Variants in XKR4 observed in about 807,000 individuals in gnomAD.
XKR4 encodes the protein XK related 4, also known as XK-related protein 4.
Under a neutral mutation model 53.9 loss-of-function variants are expected in XKR4, and 12 were observed. That is an observed-to-expected ratio of 0.22 (90% CI 0.14 to 0.36). The LOEUF is 0.36. Among genes scored for constraint, XKR4 ranks in the 10% least tolerant of loss-of-function variants. The pLI is 1.00. For missense variants in XKR4, 799 were observed against 859.5 expected (o/e 0.93, Z 0.88); for synonymous variants, 354 against 362.4 (o/e 0.98, Z 0.26).
chr8:55,363,448 A>T (rs931383806), intron 2 of XKR4, among the ~76,000 whole-genome samples: 5 of 152,174 alleles, frequency 3.3e-5, no homozygotes, highest in Admixed American at 2.0e-4. Flanking sequence ...GGAAGTCAGA[A>T]GTAAAGTTGT....
intron 2 of XKR4, among the ~76,000 whole-genome samples, chr8:55,420,407 A>C (rs886905989): frequency 4.0e-4 from 61 of 151,472 alleles, no homozygotes; most frequent in Non-Finnish European, 6.9e-4. Context: ...CAATGATAGA[A>C]TGGATTAAGA....
At chr8:55,348,232 G>A (rs1312439178) in intron 1 of XKR4, among the ~76,000 whole-genome samples, 1 of 152,158 alleles carries the variant, frequency 6.6e-6, no homozygotes, top group African/African-American at 2.4e-5. Context: ...CAGTTATGAG[G>A]GGGGAAAAGA....
chr8:55,461,599 C>T (rs1415611565), intron 2 of XKR4, among the ~76,000 whole-genome samples: 2 of 152,200 alleles, frequency 1.3e-5, no homozygotes. Context: ...CAGCTCCTCA[C>T]CAGCAACGGA....
chr8:55,394,774 A>G (rs1343406407), intron 2 of XKR4, among the ~76,000 whole-genome samples: 7 of 152,130 alleles, frequency 4.6e-5, no homozygotes, highest in Non-Finnish European at 7.4e-5. Context: ...TTTTTTCTTC[A>G]ATTATCTGGC....
chr8:55,275,274 CTT>C (rs1448218400), intron 1 of XKR4, among the ~76,000 whole-genome samples: 1 of 151,988 alleles, frequency 6.6e-6, no homozygotes, highest in East Asian at 1.9e-4. Flanking sequence ...ATAAGTCTAT[CTT>C]ATATCCTATT....
chr8:55,465,337 C>G (rs1805746642), intron 2 of XKR4, among the ~76,000 whole-genome samples: 1 of 152,024 alleles, frequency 6.6e-6, no homozygotes, highest in African/African-American at 2.4e-5. Flanking sequence ...TGCCGCATAT[C>G]TACAACCATC....
chr8:55,222,779 T>C (rs922849910), intron 1 of XKR4, among the ~76,000 whole-genome samples: 7 of 152,202 alleles, frequency 4.6e-5, no homozygotes, highest in African/African-American at 1.7e-4. Context: ...TGAGGACATT[T>C]TGATTCTCTG....
At position 55,212,267 on chromosome 8, in the gene XKR4, G is replaced by A. The variant is rs116237763; in HGVS notation, c.806+108973G>A. Among the ~76,000 whole-genome samples, 586 of 152,236 alleles carry A rather than the reference G, an allele frequency of 3.8e-3. 2 individuals carry two copies. Among genetic ancestry groups the A allele is most frequent in the African/African-American group, 0.013 (525 of 41,536 alleles). On this transcript the variant is annotated intron_variant, in intron 1 of 2. Transcript: ENST00000327381. ...CCATACACTTAGTTAATTCTCTCCT[G>A]GATCAGGAAAAAGACATGGAAAATG...
intron 1 of XKR4, among the ~76,000 whole-genome samples, chr8:55,299,278 G>C (rs1317555815): frequency 3.3e-5 from 5 of 152,304 alleles, no homozygotes; most frequent in Admixed American, 3.3e-4. Context: ...ATTTCTGGCA[G>C]CCTGAGGAGC....
At chr8:55,458,126 C>T (rs907596882) in intron 2 of XKR4, among the ~76,000 whole-genome samples, 1 of 152,208 alleles carries the variant, frequency 6.6e-6, no homozygotes, top group Admixed American at 6.5e-5. Context: ...CATAGACAAG[C>T]CAATCCAAAA....
chr8:55,291,101 A>G (rs1423757331), intron 1 of XKR4, among the ~76,000 whole-genome samples: 22 of 152,158 alleles, frequency 1.4e-4, no homozygotes, highest in Admixed American at 1.4e-3. Context: ...TGATTGTTCC[A>G]AGCACTATTT....
intron 1 of XKR4, among the ~76,000 whole-genome samples, chr8:55,123,015 C>T (rs1816413596): frequency 6.6e-6 from 1 of 152,178 alleles, no homozygotes; most frequent in African/African-American, 2.4e-5. Flanking sequence ...TGTTGGCTTG[C>T]ACTTCTTTCC....
intron 1 of XKR4, among the ~76,000 whole-genome samples, chr8:55,289,851 G>GGAAGGAAAGAAA (rs1426200079): frequency 3.7e-4 from 50 of 135,698 alleles, no homozygotes; most frequent in African/African-American, 1.4e-3. Flanking sequence ...AAAGAAAGAA[G>GGAAGGAAAGAAA]GAAAGAAAGA....
chr8:55,205,202 C>T (rs543808139), intron 1 of XKR4, among the ~76,000 whole-genome samples: 24 of 152,264 alleles, frequency 1.6e-4, no homozygotes, highest in Admixed American at 1.0e-3. Flanking sequence ...ATTAGGCCAG[C>T]CTTTTCTAAG....
intron 2 of XKR4, among the ~76,000 whole-genome samples, chr8:55,457,205 C>T (rs905946449): frequency 4.8e-5 from 7 of 144,764 alleles, no homozygotes; most frequent in African/African-American, 1.3e-4. Flanking sequence ...TGCAGTGGCA[C>T]GATCTCTGCT....
intron 1 of XKR4, among the ~76,000 whole-genome samples, chr8:55,311,691 G>A (rs2129378291): frequency 6.6e-6 from 1 of 152,162 alleles, no homozygotes; most frequent in Middle Eastern, 3.4e-3. Flanking sequence ...AGAGAAAAAA[G>A]TCATTGGGGA....
chr8:55,262,770 C>T (rs1185172614), intron 1 of XKR4, among the ~76,000 whole-genome samples: 3 of 152,172 alleles, frequency 2.0e-5, no homozygotes, highest in Non-Finnish European at 4.4e-5. Flanking sequence ...AGTGGTAGAG[C>T]TGGCATTAGA....
In XKR4 at chr8:55,359,384, G is replaced by C. The variant is rs546001284; in HGVS notation, c.1006+1507G>C. On this transcript the variant is annotated intron_variant, in intron 2 of 2. Coordinates refer to ENST00000327381, the MANE Select transcript of XKR4 (RefSeq NM_052898.2). ...AAACTGGATGATTTCCAAACTCCCT[G>C]ACAGCTCTATTCTATCTTTGAATCA... Among the ~76,000 whole-genome samples the C allele has an allele frequency of 1.8e-3, 275 of 152,270 alleles. 2 individuals are homozygous for C. The highest frequency in any genetic ancestry group is 0.014 in the Middle Eastern group (4 of 294).
chr8:55,359,708 A>G (rs1803872144), intron 2 of XKR4, among the ~76,000 whole-genome samples: 1 of 152,176 alleles, frequency 6.6e-6, no homozygotes, highest in Admixed American at 6.5e-5. Flanking sequence ...TTTTTCTTCC[A>G]AAGATGATGG....
Sources: gnomAD v4.1 joint callset for allele counts (sites outside exome capture counted in the v4.1 genomes callset) on GRCh38, gnomAD v4.1.1 for gene constraint, MANE v1.5 for transcripts, NCBI Gene and HGNC (gene_info 2026-07-23, HGNC 2026-07-21) for gene names.